The following DMTN variants were observed in gnomAD, a reference collection of about 807,000 sequenced individuals.
The protein encoded by DMTN is dematin.
In DMTN, 27 loss-of-function variants were observed where a neutral mutation model predicts 59.4. That is an observed-to-expected ratio of 0.45 (90% CI 0.33 to 0.63). DMTN has a LOEUF of 0.63. Ranked by LOEUF, DMTN falls within the 20% of genes least tolerant of loss-of-function variation. The pLI, the probability that DMTN is intolerant of heterozygous loss-of-function variation, is 0.02. For missense variants in DMTN, 451 were observed against 528.9 expected (o/e 0.85, Z 1.45); for synonymous variants, 221 against 203.7 (o/e 1.08, Z -0.72).
chr8:22,055,805 C>T (rs1296584765), upstream of DMTN, among the ~76,000 whole-genome samples: 3 of 152,120 alleles, frequency 2.0e-5, no homozygotes, highest in African/African-American at 4.8e-5. Context: ...CCCCTCCTGG[C>T]CTCTTCCCTC....
chr8:22,079,273 A>ATATATATATATATAT (rs1554562329), intron 10 of DMTN, among the ~76,000 whole-genome samples: 65 of 28,528 alleles, frequency 2.3e-3, no homozygotes, highest in Middle Eastern at 0.02. Context: ...TAAATAAATA[A>ATATATATATATATAT]ATAAATATAT....
At chr8:22,059,938 T>C (rs973888187) in intron 1 of DMTN, among the ~76,000 whole-genome samples, 22 of 151,966 alleles carry the variant, frequency 1.4e-4, no homozygotes, top group Non-Finnish European at 3.2e-4. Context: ...GGGCGGGTCT[T>C]ATCACCCACA....
intron 2 of DMTN, 52 bp from the exon 3 acceptor site, chr8:22,067,033 C>G: frequency 1.3e-6 from 2 of 1,511,886 alleles, no homozygotes; most frequent in Middle Eastern, 1.9e-4. Context: ...GCCCCCGCCC[C>G]GCTCCCGCAC....
chr8:22,069,057 A>C lies in DMTN; in HGVS notation c.291A>C (p.Pro97=), dbSNP rs774522652. ...AATCCACATCCCCCCCACCATCCCC[A>C]GAGGTGAGTCTGCCCCACACCTGCA... ...SPKSTSPPPS[P]EVWADSRSPG... The change falls in exon 5 of 16, where the codon CCA becomes CCC. Residue 97 remains proline (P), a synonymous_variant. Coordinates refer to ENST00000358242, the MANE Select transcript of DMTN (RefSeq NM_001387751.1). 1.2e-6 allele frequency: 2 copies of C among 1,611,030 alleles called. No homozygotes were observed. The highest frequency in any genetic ancestry group is 1.7e-6 in the Non-Finnish European group (2 of 1,178,494).
At chr8:22,061,989 T>G (rs1161674441) in intron 1 of DMTN, among the ~76,000 whole-genome samples, 1 of 152,130 alleles carries the variant, frequency 6.6e-6, no homozygotes, top group East Asian at 1.9e-4. Flanking sequence ...ACTCCTGGCC[T>G]CAAGTGATCC....
chr8:22,073,660 AAAAAAAAAGAG>A (rs869134459), intron 9 of DMTN, 59 bp from the exon 10 acceptor site: 52 of 11,536 alleles, frequency 4.5e-3, no homozygotes, highest in East Asian at 0.012. Flanking sequence ...AAAGAAAGAA[AAAAAAAAAGAG>A]AAAAAAGAAA....
rs1326086271 is a variant in DMTN, at chr8:22,066,870, T to C, written c.-6T>C. On this transcript the variant is annotated 5_prime_UTR_variant, in exon 2 of 16. Transcript: ENST00000358242. ...CGAGTGACCCGGCGGGCGAGCTCCGTGCTGCATGGAACGGCTGCAGAAGGT... is the reference window on the plus strand; with the variant it reads ...CGAGTGACCCGGCGGGCGAGCTCCGCGCTGCATGGAACGGCTGCAGAAGGT... 7.3e-7 allele frequency: 1 copy of C among 1,377,616 alleles called. No homozygotes were observed. Among genetic ancestry groups the C allele is most frequent in the Non-Finnish European group, 9.4e-7 (1 of 1,062,324 alleles). The allele number at this position is 1,377,616 out of a possible 1,614,324, so 85.3% of individuals were successfully genotyped here.
Position 22,066,766 on chromosome 8 carries a change from T to C in DMTN, c.-110T>C. 1 of 1,250,522 alleles carries C rather than the reference T, an allele frequency of 8.0e-7. No individual in the cohort carries two copies. The highest frequency in any genetic ancestry group is 1.0e-6 in the Non-Finnish European group (1 of 961,952). 77.5% of individuals were successfully genotyped at this position (1,250,522 alleles called of 1,614,324 possible). A position where few individuals can be genotyped will look rare whatever the true frequency, so the allele number is the denominator to read the frequency against. ...GCCCGGGGGAACGCGCCAGCTGCTT[T>C]CGCGGCCCCAAGCGCGCAGCGCCCA... On this transcript the variant is annotated 5_prime_UTR_variant, in exon 2 of 16. Transcript: ENST00000358242.
chr8:22,055,904 G>A (rs545255173), upstream of DMTN, among the ~76,000 whole-genome samples: 2 of 152,284 alleles, frequency 1.3e-5, no homozygotes, highest in South Asian at 2.1e-4. Context: ...GATACCATCA[G>A]CTGACCGGCT....
At chr8:22,081,042 T>C in intron 14 of DMTN, 71 bp from the exon 15 acceptor site, 1 of 1,524,264 alleles carries the variant, frequency 6.6e-7, no homozygotes, top group Non-Finnish European at 9.1e-7. Context: ...TGCAGGTTGA[T>C]GTGGGAGGCC....
At position 22,058,927 on chromosome 8, in the gene DMTN, G is replaced by A. The variant is rs1204197828; in HGVS notation, c.-172+1791G>A. 6.6e-6 allele frequency among the ~76,000 whole-genome samples: 1 copy of A among 152,198 alleles called. No individual in the cohort carries two copies. The highest frequency in any genetic ancestry group is 1.5e-5 in the Non-Finnish European group (1 of 68,024). ...GGTGTCCTTTTCCAGTGGCGGGGGG[G>A]TGCGGGGAGCAAGGTGCCCTACCCC... is the stretch of plus-strand genomic sequence containing the variant. On this transcript the variant is annotated intron_variant, in intron 1 of 15. Transcript: ENST00000358242. This position sits in a 1 kb window ranked among gnomAD's most constrained non-coding sequence, Gnocchi z 4.3.
intron 10 of DMTN, among the ~76,000 whole-genome samples, chr8:22,075,070 C>T (rs2131322271): frequency 6.6e-6 from 1 of 151,820 alleles, no homozygotes; most frequent in African/African-American, 2.4e-5. Context: ...GTCTGTAATC[C>T]CAGCTACTCA....
At chr8:22,077,699 C>T (rs1215737893) in intron 10 of DMTN, among the ~76,000 whole-genome samples, 2 of 152,058 alleles carry the variant, frequency 1.3e-5, no homozygotes, top group Non-Finnish European at 2.9e-5. Context: ...CTTTGGCGTC[C>T]CTGAACTTGT....
At chr8:22,049,313 G>C (rs994065704), upstream of DMTN, 14 of 150,964 alleles carry the variant, frequency 9.3e-5, 1 homozygote. Context: ...GGGTCCCCGC[G>C]GGGCCGGGGC....
intron 9 of DMTN, among the ~76,000 whole-genome samples, chr8:22,072,695 G>A (rs1273323742): frequency 1.4e-5 from 2 of 144,416 alleles, no homozygotes; most frequent in African/African-American, 5.2e-5. Flanking sequence ...GGCTGGTCTC[G>A]AACTCCTGAC....
At position 22,081,490 on chromosome 8, in the gene DMTN, C is replaced by G. The variant is rs1824269355; in HGVS notation, c.*27C>G. 1.9e-6 allele frequency: 3 copies of G among 1,596,618 alleles called. No individual in the cohort carries two copies. In the African/African-American group the frequency reaches 4.0e-5, roughly 21 times the overall value. On this transcript the variant is annotated 3_prime_UTR_variant, in exon 16 of 16. Transcript: ENST00000358242. Reference sequence around the variant, plus strand: ...GGCCCCCACCTGCTCCGGGACGGCCCCCTTACCCCTGCTGCTTCAGGGTTT... The same window carrying G: ...GGCCCCCACCTGCTCCGGGACGGCCGCCTTACCCCTGCTGCTTCAGGGTTT...
In DMTN at chr8:22,063,069, C is replaced by T. The variant is rs538867620; in HGVS notation, c.-171-3636C>T. 5.3e-5 allele frequency among the ~76,000 whole-genome samples: 8 copies of T among 152,292 alleles called. No individual in the cohort carries two copies. The South Asian group carries it at 1.7e-3, about 32-fold the overall frequency. On this transcript the variant is annotated intron_variant, in intron 1 of 15. Transcript: ENST00000358242. ...GCAAATGGCACCCACATCTCTGGTT[C>T]CAGCCTGGCCTCTTCCGTAGGTTCC... is the stretch of plus-strand genomic sequence containing the variant.
Position 22,072,454 on chromosome 8 carries a change from G to T in DMTN, c.729+4G>T, listed in dbSNP as rs780196769. On this transcript the variant is annotated splice_donor_region_variant and intron_variant, in intron 9 of 15. Transcript: ENST00000358242. ...TCAGAGAGAGGAACTCAGTAAGGTA[G>T]CATCTCACCACCCCCACCCTCCACC... The T allele has an allele frequency of 9.7e-6, 15 of 1,552,578 alleles. No homozygotes were observed. The highest frequency in any genetic ancestry group is 1.3e-5 in the Non-Finnish European group (15 of 1,146,108).
upstream of DMTN, among the ~76,000 whole-genome samples, chr8:22,049,627 C>G (rs1294424594): frequency 6.8e-6 from 1 of 147,348 alleles, no homozygotes; most frequent in Non-Finnish European, 1.5e-5. Flanking sequence ...CCTCAGTGAG[C>G]GCTCTCTTCT....
Sources: gnomAD v4.1 joint callset for allele counts (sites outside exome capture counted in the v4.1 genomes callset) on GRCh38, gnomAD v4.1.1 for gene constraint, Gnocchi (gnomAD v3.1) non-coding constraint, MANE v1.5 for transcripts, NCBI Gene and HGNC (gene_info 2026-07-23, HGNC 2026-07-21) for gene names.